The following COL23A1 variants were observed in gnomAD, a reference collection of about 807,000 sequenced individuals.
COL23A1 encodes collagen alpha-1(XXIII) chain.
In COL23A1, 97 loss-of-function variants were observed where a neutral mutation model predicts 99.3. That is an observed-to-expected ratio of 0.98 (90% CI 0.83 to 1.16). The LOEUF (loss-of-function observed/expected upper bound fraction) is 1.16. Ranked by LOEUF, COL23A1 falls within the 50% of genes most tolerant of loss-of-function variation. COL23A1 has a pLI of 0.00. For synonymous variants in COL23A1, 320 were observed against 308.2 expected (o/e 1.04, Z -0.40); for missense variants, 762 against 757.4 (o/e 1.01, Z -0.07).
At chr5:178,493,127 A>C (rs1343156082) in intron 2 of COL23A1, among the ~76,000 whole-genome samples, 1 of 152,186 alleles carries the variant, frequency 6.6e-6, no homozygotes, top group Non-Finnish European at 1.5e-5. Flanking sequence ...GCACTGAATG[A>C]GTGAGATTCT....
chr5:178,534,634 C>T (rs1186537720), intron 2 of COL23A1, among the ~76,000 whole-genome samples: 1 of 152,118 alleles, frequency 6.6e-6, no homozygotes, highest in Non-Finnish European at 1.5e-5. Context: ...TAAAAATTAG[C>T]TGGGCATAGT....
In COL23A1 at chr5:178,249,716, A is replaced by ACACACACACT; in HGVS notation, c.1059+344_1059+345insAGTGTGTGTG. On this transcript the variant is annotated intron_variant, in intron 18 of 28. Coordinates refer to ENST00000390654, the MANE Select transcript of COL23A1 (RefSeq NM_173465.4). ...CACACACACACACACACACACACACACTCTCTCTCTCTCTCTCTCTCTCTC... is the reference window on the plus strand; with the variant it reads ...CACACACACACACACACACACACACACACACACACTCTCTCTCTCTCTCTCTCTCTCTCTC... Among the ~76,000 whole-genome samples, 256 of 92,804 alleles carry ACACACACACT rather than the reference A, an allele frequency of 2.8e-3. 2 individuals are homozygous for ACACACACACT. Among genetic ancestry groups the ACACACACACT allele is most frequent in the African/African-American group, 0.011 (249 of 23,482 alleles). The allele number at this position is 92,804 out of a possible 152,430, so 60.9% of individuals were successfully genotyped here.
rs1226044895 is a variant in COL23A1, at chr5:178,414,413, A to ATT, written c.362-107495_362-107494insAA. Among the ~76,000 whole-genome samples the ATT allele has an allele frequency of 4.9e-3, 722 of 145,908 alleles. 2 individuals are homozygous for ATT. Among genetic ancestry groups the ATT allele is most frequent in the Middle Eastern group, 0.011 (3 of 278 alleles). ...TTAACTACAAATATCCTTTTTTTAAAAAAAAAAAAAGGACTTGTTTTCCCT... is the reference window on the plus strand; with the variant it reads ...TTAACTACAAATATCCTTTTTTTAAATTAAAAAAAAAAGGACTTGTTTTCCCT... On this transcript the variant is annotated intron_variant, in intron 2 of 28. Transcript: ENST00000390654.
chr5:178,347,968 T>C (rs1561884313), intron 2 of COL23A1, among the ~76,000 whole-genome samples: 1 of 150,926 alleles, frequency 6.6e-6, no homozygotes, highest in African/African-American at 2.4e-5. Context: ...GACTACCATA[T>C]AGGCTAGCAC....
At chr5:178,327,139 T>C (rs778279700) in intron 2 of COL23A1, among the ~76,000 whole-genome samples, 3 of 152,252 alleles carry the variant, frequency 2.0e-5, no homozygotes, top group Admixed American at 2.0e-4. Context: ...TCTTTGTTCA[T>C]TCGTCTTTCT....
intron 2 of COL23A1, among the ~76,000 whole-genome samples, chr5:178,554,098 G>A (rs745782268): frequency 6.6e-6 from 1 of 152,154 alleles, no homozygotes; most frequent in East Asian, 1.9e-4. Flanking sequence ...ACAGAGAATC[G>A]GGCCACGCAG....
intron 2 of COL23A1, 91 bp downstream of exon 2, chr5:178,560,591 C>A: frequency 8.6e-7 from 1 of 1,159,960 alleles, no homozygotes; most frequent in Admixed American, 2.4e-5. Context: ...CCTGACACCC[C>A]AGTCCACCTT....
chr5:178,268,643 AGGGCACACTGGAACTG>A, intron 7 of COL23A1, 71 bp downstream of exon 7: 4 of 1,431,992 alleles, frequency 2.8e-6, no homozygotes, highest in Non-Finnish European at 2.9e-6. Flanking sequence ...GATGTGCTCA[AGGGCACACTGGAACTG>A]GCGTTCGGAG....
intron 3 of COL23A1, among the ~76,000 whole-genome samples, chr5:178,301,005 A>AT (rs929165437): frequency 9.5e-5 from 13 of 137,454 alleles, no homozygotes; most frequent in African/African-American, 3.1e-4. Context: ...AGATTTGGCC[A>AT]TTTTTTTCAA....
Position 178,384,103 on chromosome 5 carries a change from C to A in COL23A1, c.362-77184G>T, listed in dbSNP as rs148428900. ...CAGGTCCCACCTCTCTGCAAAGACC[C>A]CTCTTCTCTAGAAAGGGGTGATGGT... On this transcript the variant is annotated intron_variant, in intron 2 of 28. Coordinates refer to ENST00000390654, the MANE Select transcript of COL23A1 (RefSeq NM_173465.4). The surrounding 1 kb of genome is among the most constrained non-coding windows in gnomAD (Gnocchi z 5.5). 6.8e-4 allele frequency among the ~76,000 whole-genome samples: 104 copies of A among 152,254 alleles called. 1 individual carries two copies. The highest frequency in any genetic ancestry group is 2.4e-3 in the African/African-American group (101 of 41,544).
intron 2 of COL23A1, among the ~76,000 whole-genome samples, chr5:178,471,677 C>T (rs763376976): frequency 6.6e-6 from 1 of 152,160 alleles, no homozygotes; most frequent in Admixed American, 6.5e-5. Flanking sequence ...TCAAACCAAC[C>T]AAGCCAAAGC....
chr5:178,584,797 G>A (rs1763838202), intron 1 of COL23A1, among the ~76,000 whole-genome samples: 1 of 152,206 alleles, frequency 6.6e-6, no homozygotes, highest in Non-Finnish European at 1.5e-5. Context: ...TGCACTGTAT[G>A]TGGTCTCTGG....
At chr5:178,290,222 G>T (rs573440571) in intron 4 of COL23A1, 140 bp downstream of exon 4, 2 of 1,186,816 alleles carry the variant, frequency 1.7e-6, no homozygotes, top group Non-Finnish European at 2.5e-6. Flanking sequence ...GTGAGCCACC[G>T]CACCTGGCCA....
chr5:178,494,901 G>A (rs1489274287), intron 2 of COL23A1, among the ~76,000 whole-genome samples: 2 of 152,168 alleles, frequency 1.3e-5, no homozygotes, highest in African/African-American at 2.4e-5. Context: ...ACCAGCACAC[G>A]CACATCTGCC....
chr5:178,534,879 T>C (rs982568052), intron 2 of COL23A1, among the ~76,000 whole-genome samples: 3 of 151,990 alleles, frequency 2.0e-5, no homozygotes, highest in African/African-American at 7.2e-5. Flanking sequence ...CCATAAAAAC[T>C]CTACCAGGTA....
intron 27 of COL23A1, among the ~76,000 whole-genome samples, chr5:178,240,910 G>A (rs541227287): frequency 6.6e-5 from 10 of 152,164 alleles, no homozygotes; most frequent in Non-Finnish European, 1.2e-4. Context: ...GAGCTCCACC[G>A]GAAGAGTGTG....
At chr5:178,343,362 A>G (rs909367205) in intron 2 of COL23A1, among the ~76,000 whole-genome samples, 15 of 152,212 alleles carry the variant, frequency 9.9e-5, no homozygotes, top group Admixed American at 5.2e-4. Context: ...GAACATATGG[A>G]TAACATTTTT....
chr5:178,355,202 T>C (rs990282455), intron 2 of COL23A1, among the ~76,000 whole-genome samples: 1 of 152,174 alleles, frequency 6.6e-6, no homozygotes, highest in African/African-American at 2.4e-5. Context: ...CTACACATTT[T>C]ACCAGGAATT....
intron 2 of COL23A1, among the ~76,000 whole-genome samples, chr5:178,423,781 G>A (rs1350026044): frequency 6.6e-6 from 1 of 152,126 alleles, no homozygotes; most frequent in African/African-American, 2.4e-5. Context: ...GCAGACCAAG[G>A]ACCTAGAGCT....
Sources: allele counts gnomAD v4.1 joint callset (sites outside exome capture counted in the v4.1 genomes callset), GRCh38; gene constraint gnomAD v4.1.1; non-coding constraint Gnocchi (gnomAD v3.1); transcripts MANE v1.5; gene names NCBI Gene and HGNC (gene_info 2026-07-23, HGNC 2026-07-21).